ACTL8: variants seen among roughly 807,000 people sequenced by gnomAD.
ACTL8 encodes the protein actin like 8.
In ACTL8, 3 loss-of-function variants were observed where a neutral mutation model predicts 9.3. The ratio of observed to expected loss-of-function variants is 0.32; its 90% CI spans 0.15 to 0.83. ACTL8 has a LOEUF of 0.83. Ranked by LOEUF, ACTL8 falls within the 40% of genes least tolerant of loss-of-function variation. The pLI, the probability that ACTL8 is intolerant of heterozygous loss-of-function variation, is 0.57. For missense variants in ACTL8, 381 were observed against 492.2 expected, an observed-to-expected ratio of 0.77 and a Z score of 2.14; for synonymous variants, 224 against 205.9, an observed-to-expected ratio of 1.09 and a Z score of -0.75.
intron 1 of ACTL8, among the ~76,000 whole-genome samples, chr1:17,785,585 C>G (rs1335086062): frequency 6.6e-6 from 1 of 152,188 alleles, no homozygotes; most frequent in Non-Finnish European, 1.5e-5. Flanking sequence ...AGATTTCAAC[C>G]CTCTCATCCC....
intron 1 of ACTL8, among the ~76,000 whole-genome samples, chr1:17,799,476 TTGG>T (rs1203177172): frequency 6.6e-6 from 1 of 152,116 alleles, no homozygotes; most frequent in Non-Finnish European, 1.5e-5. Context: ...TTTTTTCTTG[TTGG>T]TTTCTAAGTT....
At chr1:17,769,503 G>C (rs2066069833) in intron 1 of ACTL8, among the ~76,000 whole-genome samples, 1 of 74,148 alleles carries the variant, frequency 1.3e-5, no homozygotes, top group Non-Finnish European at 3.3e-5. Context: ...GGACATTGGG[G>C]ACCTGCTCTG....
intron 1 of ACTL8, among the ~76,000 whole-genome samples, chr1:17,765,364 C>T (rs2066037024): frequency 6.6e-6 from 1 of 152,256 alleles, no homozygotes. Context: ...CCGCACTGTC[C>T]CCCACTCCTT....
intron 1 of ACTL8, among the ~76,000 whole-genome samples, chr1:17,793,079 C>G (rs1429475426): frequency 6.6e-6 from 1 of 152,214 alleles, no homozygotes; most frequent in Non-Finnish European, 1.5e-5. Context: ...GTGGTGTCTT[C>G]TGACTTTCTT....
At chr1:17,799,228 G>A (rs1018647743) in intron 1 of ACTL8, among the ~76,000 whole-genome samples, 9 of 152,270 alleles carry the variant, frequency 5.9e-5, no homozygotes, top group African/African-American at 1.9e-4. Context: ...GTCCCATTGG[G>A]CTCACTCCCA....
chr1:17,775,575 A>G (rs551226576), intron 1 of ACTL8, among the ~76,000 whole-genome samples: 1 of 152,350 alleles, frequency 6.6e-6, no homozygotes, highest in Admixed American at 6.5e-5. Flanking sequence ...TGGACCAGGT[A>G]TACCACCAAA....
At chr1:17,773,005 C>G (rs1201393314) in intron 1 of ACTL8, among the ~76,000 whole-genome samples, 1 of 152,168 alleles carries the variant, frequency 6.6e-6, no homozygotes, top group Non-Finnish European at 1.5e-5. Flanking sequence ...ATCAAAGCAG[C>G]AATCATACCA....
chr1:17,788,555 T>C (rs1021030403), intron 1 of ACTL8, among the ~76,000 whole-genome samples: 2 of 152,250 alleles, frequency 1.3e-5, no homozygotes, highest in Non-Finnish European at 2.9e-5. Flanking sequence ...ATTTTCTGTT[T>C]TCCAAGTTTG....
intron 1 of ACTL8, among the ~76,000 whole-genome samples, chr1:17,766,123 C>G (rs943352770): frequency 6.6e-6 from 1 of 152,240 alleles, no homozygotes; most frequent in African/African-American, 2.4e-5. Context: ...CTGCTGATGT[C>G]TCCAAAGGCA....
intron 1 of ACTL8, among the ~76,000 whole-genome samples, chr1:17,800,032 T>C (rs1434940676): frequency 1.3e-5 from 2 of 152,334 alleles, no homozygotes; most frequent in African/African-American, 4.8e-5. Context: ...GCCAGAAGTT[T>C]TGCTCTTCTT....
intron 1 of ACTL8, among the ~76,000 whole-genome samples, chr1:17,820,356 T>C (rs2053645891): frequency 6.6e-6 from 1 of 152,206 alleles, no homozygotes; most frequent in African/African-American, 2.4e-5. Context: ...TTCTGTTTTA[T>C]TACCAGGTAG....
rs1467057199 is a variant in ACTL8 at position 17,767,101 on chromosome 1, CGGGGGAAGCAGACACCTGA to C, written c.-25+11607_-25+11625del. Among the ~76,000 whole-genome samples the C allele has an allele frequency of 6.6e-6, 1 of 151,972 alleles. No individual in the cohort carries two copies. Among genetic ancestry groups the C allele is most frequent in the Non-Finnish European group, 1.5e-5 (1 of 67,986 alleles). On this transcript the variant is annotated intron_variant, in intron 1 of 2. Coordinates refer to ENST00000375406, the MANE Select transcript of ACTL8 (RefSeq NM_030812.3). This position sits in a 1 kb window ranked among gnomAD's most constrained non-coding sequence, Gnocchi z 4.7. The stretch of plus-strand genomic sequence containing the variant: ...TGACTTTGGCCACAGTGGTCAGGGA[CGGGGGAAGCAGACACCTGA>C]GGGGGAAGCGAGACGGGTGAGCATC...
intron 1 of ACTL8, among the ~76,000 whole-genome samples, chr1:17,806,964 T>C (rs1225943719): frequency 6.6e-6 from 1 of 152,188 alleles, no homozygotes; most frequent in Non-Finnish European, 1.5e-5. Flanking sequence ...TTTTGGGGGT[T>C]CTAGGGAAAT....
intron 1 of ACTL8, among the ~76,000 whole-genome samples, chr1:17,778,880 TGAA>T (rs1408896460): frequency 4.6e-5 from 7 of 152,146 alleles, no homozygotes; most frequent in South Asian, 2.1e-4. Context: ...GGCGATGAGT[TGAA>T]GAAGAGATGC....
intron 1 of ACTL8, among the ~76,000 whole-genome samples, chr1:17,818,083 C>A (rs2066439657): frequency 6.6e-6 from 1 of 152,142 alleles, no homozygotes. Context: ...TTAATAGGCA[C>A]CTCCAACTTA....
chr1:17,823,360 A>AG lies in ACTL8; in HGVS notation c.348+6dup. 1 of 1,609,880 alleles carries AG rather than the reference A, an allele frequency of 6.2e-7. No individual in the cohort carries two copies. Among genetic ancestry groups the AG allele is most frequent in the Non-Finnish European group, 8.5e-7 (1 of 1,178,104 alleles). On this transcript the variant is annotated splice_donor_region_variant and intron_variant, in intron 2 of 2. Transcript: ENST00000375406. The surrounding 1 kb of genome is among the most constrained non-coding windows in gnomAD (Gnocchi z 5.3). ...GGACCGAAAGAAGATGCTGGAGGTG[A>AG]GGCCTGCCGGGGCCTGCTCCCACTC... is the stretch of plus-strand genomic sequence containing the variant.
At chr1:17,762,557 C>G (rs1231058501) in intron 1 of ACTL8, among the ~76,000 whole-genome samples, 1 of 152,174 alleles carries the variant, frequency 6.6e-6, no homozygotes. Flanking sequence ...CACCGTGGGT[C>G]CCTTTCTCTC....
At chr1:17,780,658 GACT>G (rs1043508396) in intron 1 of ACTL8, among the ~76,000 whole-genome samples, 3 of 150,288 alleles carry the variant, frequency 2.0e-5, no homozygotes, top group Admixed American at 6.7e-5. Flanking sequence ...AGCCGATGGT[GACT>G]GAGGATGCTG....
In ACTL8 at chr1:17,825,927, G is replaced by T. The variant is rs778933389; in HGVS notation, c.509G>T (p.Gly170Val). Residue 170 changes from glycine (G) to valine (V), a missense_variant, in exon 3 of 3, where the codon GGC becomes GTC. By Grantham distance (109) the Gly-to-Val change is moderately radical. Around this residue, in one of 3 missense-constraint regions of ACTL8, gnomAD observed 243 missense variants for 276.2 expected, o/e 0.88. Transcript: ENST00000375406. ...CAGGGCCGCCCCTTGCCCGCCAGCG[G>T]CAAGACGCTGGAGTTCGCCGGCCAG... is the stretch of plus-strand genomic sequence containing the variant. ...FHQGRPLPASGKTLEFAGQDL... is the reference protein window; with the variant it reads ...FHQGRPLPASVKTLEFAGQDL... 3.7e-6 allele frequency: 6 copies of T among 1,612,110 alleles called. No homozygotes were observed. The highest frequency in any genetic ancestry group is 5.1e-6 in the Non-Finnish European group (6 of 1,180,014).
Sources: gnomAD v4.1 joint callset for allele counts (sites outside exome capture counted in the v4.1 genomes callset) on GRCh38, gnomAD v4.1.1 for gene constraint, gnomAD v4.1.1 regional missense constraint, Gnocchi (gnomAD v3.1) non-coding constraint, MANE v1.5 for transcripts, NCBI Gene and HGNC (gene_info 2026-07-23, HGNC 2026-07-21) for gene names.